Variants in CAMK2G observed in about 807,000 individuals in gnomAD.
The protein encoded by CAMK2G is calcium/calmodulin-dependent protein kinase type II subunit gamma.
A neutral mutation model predicts 88.7 loss-of-function variants in CAMK2G; 23 were observed. That is an observed-to-expected ratio of 0.26 (90% CI 0.19 to 0.37). The LOEUF (loss-of-function observed/expected upper bound fraction) is 0.37. Among genes scored for constraint, CAMK2G ranks in the 10% least tolerant of loss-of-function variants. CAMK2G has a pLI of 1.00. For synonymous variants in CAMK2G, 263 were observed against 294.8 expected (o/e 0.89, Z 1.11); for missense variants, 476 against 780.8 (o/e 0.61, Z 4.65).
intron 5 of CAMK2G, among the ~76,000 whole-genome samples, chr10:73,851,583 T>G (rs934233922): frequency 5.9e-5 from 9 of 151,566 alleles, no homozygotes; most frequent in African/African-American, 2.2e-4. Context: ...CTCAGCACAG[T>G]GGCTTGAGCA....
rs1409856824 is a variant in CAMK2G, at chr10:73,849,074, G to A, written c.456C>T (p.Ala152=). The A allele has an allele frequency of 2.5e-6, 4 of 1,613,932 alleles. No homozygotes were observed. The highest frequency in any genetic ancestry group is 1.7e-5 in the Admixed American group (1 of 59,998). Residue 152 remains alanine (A), a synonymous_variant, in exon 7 of 23, where the codon GCC becomes GCT. Transcript: ENST00000423381. ...LLLASKCKGA[A]VKLADFGLAI... is the part of the protein sequence containing the mutation. Reference sequence around the variant, plus strand: ...CTAGGCCAAAATCAGCCAGCTTGACGGCGGCACCCTTGCATTTACTCGCCA... The same window carrying A: ...CTAGGCCAAAATCAGCCAGCTTGACAGCGGCACCCTTGCATTTACTCGCCA...
At chr10:73,834,401 C>G (rs1426148609) in intron 14 of CAMK2G, among the ~76,000 whole-genome samples, 2 of 152,212 alleles carry the variant, frequency 1.3e-5, no homozygotes, top group African/African-American at 2.4e-5. Flanking sequence ...AACTCATTTA[C>G]TGAGCACATA....
intron 2 of CAMK2G, among the ~76,000 whole-genome samples, chr10:73,862,494 C>T (rs2095425897): frequency 6.6e-6 from 1 of 152,178 alleles, no homozygotes; most frequent in Non-Finnish European, 1.5e-5. Context: ...GCTTACTATG[C>T]ACTGACTACA....
intron 21 of CAMK2G, chr10:73,816,138 G>A (rs1437568068): frequency 1.0e-6 from 1 of 985,068 alleles, no homozygotes; most frequent in Non-Finnish European, 1.2e-6. Context: ...GGAAGGGGAG[G>A]GTCTCATAGA....
At chr10:73,843,542 G>A (rs1329881768) in intron 10 of CAMK2G, among the ~76,000 whole-genome samples, 1 of 152,152 alleles carries the variant, frequency 6.6e-6, no homozygotes, top group Non-Finnish European at 1.5e-5. Context: ...CGGGACTGCA[G>A]AGGGTAGGGC....
chr10:73,823,956 G>A (rs2090038262), intron 17 of CAMK2G, 84 bp downstream of exon 17: 9 of 1,043,400 alleles, frequency 8.6e-6, no homozygotes, highest in African/African-American at 1.6e-5. Flanking sequence ...TTGGCCTCAG[G>A]GTGCAGCCTG....
At chr10:73,837,844 G>A (rs1414202269) in intron 13 of CAMK2G, among the ~76,000 whole-genome samples, 1 of 152,168 alleles carries the variant, frequency 6.6e-6, no homozygotes, top group African/African-American at 2.4e-5. Flanking sequence ...GAAGCAGAGT[G>A]CCAGGGTGAA....
At chr10:73,859,835 G>A (rs765052896) in intron 3 of CAMK2G, among the ~76,000 whole-genome samples, 9 of 152,350 alleles carry the variant, frequency 5.9e-5, no homozygotes, top group Admixed American at 4.6e-4. Flanking sequence ...GTTCTAGCCC[G>A]AGACCTGGGA....
chr10:73,862,310 C>T (rs1035340963), intron 2 of CAMK2G, among the ~76,000 whole-genome samples: 1 of 118,128 alleles, frequency 8.5e-6, no homozygotes, highest in Non-Finnish European at 1.8e-5. Context: ...CCCCCCCCCC[C>T]CGATTTCCCA....
chr10:73,869,216 C>A (rs1268224227), intron 2 of CAMK2G, among the ~76,000 whole-genome samples: 1 of 152,242 alleles, frequency 6.6e-6, no homozygotes, highest in Non-Finnish European at 1.5e-5. Context: ...AAAGCAGAAT[C>A]TCTGTGGCTA....
intron 5 of CAMK2G, among the ~76,000 whole-genome samples, chr10:73,851,526 C>T (rs1430412132): frequency 6.6e-6 from 1 of 152,098 alleles, no homozygotes; most frequent in African/African-American, 2.4e-5. Context: ...TCTCCACTCC[C>T]TCAGGACAGA....
intron 10 of CAMK2G, chr10:73,846,319 T>G (rs2094238594): frequency 6.6e-6 from 1 of 152,242 alleles, no homozygotes; most frequent in East Asian, 1.9e-4. Context: ...CTCACTGTGC[T>G]AAACTCTGTC....
At chr10:73,872,322 T>TTCGGAGGCAGTGCAGC (rs2095862622) in intron 2 of CAMK2G, among the ~76,000 whole-genome samples, 2 of 152,124 alleles carry the variant, frequency 1.3e-5, no homozygotes, top group Non-Finnish European at 1.5e-5. Context: ...GGCAGTGCAG[T>TTCGGAGGCAGTGCAGC]TCCTGCCCAA....
At chr10:73,815,490 T>A (rs2085155802) in intron 21 of CAMK2G, among the ~76,000 whole-genome samples, 1 of 152,048 alleles carries the variant, frequency 6.6e-6, no homozygotes, top group African/African-American at 2.4e-5. Context: ...GCTGCGCTTT[T>A]AATCAGGCAT....
intron 15 of CAMK2G, 47 bp downstream of exon 15, chr10:73,828,042 G>A: frequency 1.3e-6 from 2 of 1,539,352 alleles, no homozygotes; most frequent in South Asian, 1.1e-5. Context: ...CTGGCAGGCG[G>A]GCACAGGCAG....
At chr10:73,859,449 G>A (rs2095264446) in intron 3 of CAMK2G, among the ~76,000 whole-genome samples, 1 of 152,244 alleles carries the variant, frequency 6.6e-6, no homozygotes, top group African/African-American at 2.4e-5. Flanking sequence ...CACTGAGTCA[G>A]CCAAGCAAAA....
intron 2 of CAMK2G, among the ~76,000 whole-genome samples, chr10:73,861,331 G>A (rs1324938687): frequency 6.6e-6 from 1 of 152,220 alleles, no homozygotes; most frequent in Non-Finnish European, 1.5e-5. Context: ...CCACAACAGG[G>A]TTTCAGTGGT....
chr10:73,837,628 C>T (rs764590001), intron 13 of CAMK2G, 117 bp from the exon 14 acceptor site: 29 of 841,968 alleles, frequency 3.4e-5, no homozygotes, highest in Non-Finnish European at 5.6e-5. Context: ...AAGGGTCTCC[C>T]GAAACCCCCA....
At chr10:73,819,790 G>A (rs1162087280) in intron 18 of CAMK2G, 145 bp from the exon 19 acceptor site, 10 of 598,744 alleles carry the variant, frequency 1.7e-5, no homozygotes, top group Admixed American at 3.1e-5. Flanking sequence ...TCAGGCTGCT[G>A]TGGACACTGG....
Sources: allele counts gnomAD v4.1 joint callset (sites outside exome capture counted in the v4.1 genomes callset), GRCh38; gene constraint gnomAD v4.1.1; transcripts MANE v1.5; gene names NCBI Gene and HGNC (gene_info 2026-07-23, HGNC 2026-07-21).